The following GABRG3 variants were observed in gnomAD, a reference collection of about 807,000 sequenced individuals.
GABRG3 encodes the protein gamma-aminobutyric acid type A receptor subunit gamma3.
A neutral mutation model predicts 48.8 loss-of-function variants in GABRG3; 25 were observed. The ratio of observed to expected loss-of-function variants is 0.51; its 90% CI spans 0.37 to 0.72. The LOEUF is 0.72. GABRG3 is among the 30% of genes least tolerant of loss of function. The probability of loss-of-function intolerance (pLI) is 0.00; values close to 1 mark genes in which losing one functional copy is unlikely to be tolerated. For synonymous variants in GABRG3, 227 were observed against 217.6 expected (o/e 1.04, Z -0.38); for missense variants, 394 against 577.9 (o/e 0.68, Z 3.26).
intron 3 of GABRG3, among the ~76,000 whole-genome samples, chr15:27,298,146 C>T (rs1892066735): frequency 6.6e-6 from 1 of 152,090 alleles, no homozygotes; most frequent in Admixed American, 6.6e-5. Flanking sequence ...ATGAATTAAA[C>T]AATCCAGTCA....
At chr15:27,520,252 CT>C in intron 7 of GABRG3, 128 bp downstream of exon 7, 1 of 997,830 alleles carries the variant, frequency 1.0e-6, no homozygotes, top group Non-Finnish European at 1.5e-6. Context: ...TTGAACCATG[CT>C]TAGAATTTTC....
At chr15:27,150,054 C>T (rs1030954823) in intron 3 of GABRG3, among the ~76,000 whole-genome samples, 4 of 152,284 alleles carry the variant, frequency 2.6e-5, no homozygotes, top group Non-Finnish European at 4.4e-5. Context: ...CCTGAGATAA[C>T]GTTAGAAACT....
At chr15:27,256,375 T>G (rs28779178) in intron 3 of GABRG3, among the ~76,000 whole-genome samples, 90,005 of 149,980 alleles carry the variant, frequency 0.6, 27,748 homozygotes, top group Non-Finnish European at 0.66. Flanking sequence ...CGGGAGGCAG[T>G]GCTTGCAGTG....
At chr15:27,143,203 C>T (rs2071983805) in intron 3 of GABRG3, among the ~76,000 whole-genome samples, 1 of 152,154 alleles carries the variant, frequency 6.6e-6, no homozygotes, top group African/African-American at 2.4e-5. Context: ...TTCAGCCTCC[C>T]AAGTAGCTGG....
At chr15:27,230,168 A>G (rs1051853972) in intron 3 of GABRG3, among the ~76,000 whole-genome samples, 13 of 152,232 alleles carry the variant, frequency 8.5e-5, no homozygotes, top group African/African-American at 3.1e-4. Context: ...GCAATTGTAA[A>G]TGGGATTGCC....
intron 5 of GABRG3, among the ~76,000 whole-genome samples, chr15:27,450,241 C>T (rs1457224892): frequency 6.6e-6 from 1 of 152,100 alleles, no homozygotes. Flanking sequence ...GCATATGTTG[C>T]TTCAAAATAT....
intron 3 of GABRG3, among the ~76,000 whole-genome samples, chr15:27,261,259 A>C (rs1890758225): frequency 6.6e-6 from 1 of 152,150 alleles, no homozygotes; most frequent in Non-Finnish European, 1.5e-5. Flanking sequence ...AACCAATATA[A>C]CTAATAGTCT....
intron 3 of GABRG3, among the ~76,000 whole-genome samples, chr15:27,149,893 G>A (rs1898278861): frequency 6.6e-6 from 1 of 152,250 alleles, no homozygotes; most frequent in Non-Finnish European, 1.5e-5. Context: ...ATACTCAAAA[G>A]GATAAAGTTT....
At position 27,520,562 on chromosome 15, in the gene GABRG3, C is replaced by T. The variant is rs534786190; in HGVS notation, c.865+438C>T. Reference sequence around the variant, plus strand: ...TGTATATAGCAACTTTATCAGCAAACGAGAAAATGATCATTCTTTTCAGCT... The same window carrying T: ...TGTATATAGCAACTTTATCAGCAAATGAGAAAATGATCATTCTTTTCAGCT... On this transcript the variant is annotated intron_variant, in intron 7 of 9. Coordinates refer to ENST00000615808, the MANE Select transcript of GABRG3 (RefSeq NM_033223.5). 1.2e-4 allele frequency among the ~76,000 whole-genome samples: 18 copies of T among 147,742 alleles called. No individual in the cohort carries two copies. In the South Asian group the frequency reaches 3.4e-3, roughly 28 times the overall value.
At position 27,310,462 on chromosome 15, in the gene GABRG3, A is replaced by G. The variant is rs139848812; in HGVS notation, c.271-16347A>G. Among the ~76,000 whole-genome samples the G allele has an allele frequency of 2.0e-5, 3 of 152,238 alleles. No homozygotes were observed. The East Asian group carries it at 5.8e-4, about 29-fold the overall frequency. ...TAGAGTTAACTATAAACCATTAATG[A>G]GAGAAATTAAAAGAGACCTAAATAA... is the stretch of plus-strand genomic sequence containing the variant. On this transcript the variant is annotated intron_variant, in intron 3 of 9. Coordinates refer to ENST00000615808, the MANE Select transcript of GABRG3 (RefSeq NM_033223.5).
At chr15:27,274,672 C>A (rs900766690) in intron 3 of GABRG3, among the ~76,000 whole-genome samples, 9 of 152,240 alleles carry the variant, frequency 5.9e-5, no homozygotes, top group Non-Finnish European at 1.2e-4. Context: ...ACCATAGCAA[C>A]CCTCAAGACT....
chr15:27,447,706 A>T lies in GABRG3; in HGVS notation c.575-32944A>T, dbSNP rs928014716. Among the ~76,000 whole-genome samples the T allele has an allele frequency of 6.6e-6, 1 of 152,232 alleles. No individual in the cohort carries two copies. Among genetic ancestry groups the T allele is most frequent in the African/African-American group, 2.4e-5 (1 of 41,464 alleles). ...ATGAGTTCATTTCCTTTGCAGAGAC[A>T]TGGATGACACTGGAAACCATCATTC... On this transcript the variant is annotated intron_variant, in intron 5 of 9. Transcript: ENST00000615808. The surrounding 1 kb of genome is among the most constrained non-coding windows in gnomAD (Gnocchi z 4.0).
At chr15:27,219,986 T>C (rs1336011537) in intron 3 of GABRG3, among the ~76,000 whole-genome samples, 3 of 152,092 alleles carry the variant, frequency 2.0e-5, no homozygotes, top group African/African-American at 4.8e-5. Context: ...AAACTGAACT[T>C]GGGTCGGCTC....
At chr15:27,074,596 C>T (rs1307743353) in intron 3 of GABRG3, among the ~76,000 whole-genome samples, 2 of 151,784 alleles carry the variant, frequency 1.3e-5, no homozygotes, top group African/African-American at 4.8e-5. Context: ...CATCCTGGAA[C>T]CTTTATCAAG....
At chr15:27,462,074 G>T (rs547014156) in intron 5 of GABRG3, among the ~76,000 whole-genome samples, 1 of 151,940 alleles carries the variant, frequency 6.6e-6, no homozygotes, top group East Asian at 1.9e-4. Flanking sequence ...TGTCTTCCTC[G>T]TTCTTCCTGA....
chr15:27,484,147 G>A (rs1890165009), intron 6 of GABRG3, among the ~76,000 whole-genome samples: 1 of 152,114 alleles, frequency 6.6e-6, no homozygotes, highest in African/African-American at 2.4e-5. Context: ...TGTTGGCCAG[G>A]CTGGTCTCGA....
At chr15:27,451,666 A>G (rs1889116276) in intron 5 of GABRG3, among the ~76,000 whole-genome samples, 1 of 152,230 alleles carries the variant, frequency 6.6e-6, no homozygotes, top group Non-Finnish European at 1.5e-5. Context: ...AGCACAGGCA[A>G]CAAAAGCAAC....
At chr15:27,195,013 A>G (rs1268504724) in intron 3 of GABRG3, among the ~76,000 whole-genome samples, 2 of 152,168 alleles carry the variant, frequency 1.3e-5, no homozygotes, top group Non-Finnish European at 2.9e-5. Context: ...ATCTGTCCTC[A>G]ATTCTATACA....
chr15:27,354,134 C>G (rs1397484971), intron 5 of GABRG3, among the ~76,000 whole-genome samples: 1 of 152,180 alleles, frequency 6.6e-6, no homozygotes, highest in Non-Finnish European at 1.5e-5. Context: ...ACCCTCTAAG[C>G]CTTCGTCTCA....
Sources: allele counts gnomAD v4.1 joint callset (sites outside exome capture counted in the v4.1 genomes callset), GRCh38; gene constraint gnomAD v4.1.1; non-coding constraint Gnocchi (gnomAD v3.1); transcripts MANE v1.5; gene names NCBI Gene and HGNC (gene_info 2026-07-23, HGNC 2026-07-21).